The following SNX29 variants were observed in gnomAD, a reference collection of about 807,000 sequenced individuals.
SNX29 encodes sorting nexin-29.
SNX29 carries 78 observed loss-of-function variants against 102.1 expected under a neutral mutation model. That is an observed-to-expected ratio of 0.76 (90% confidence interval 0.64 to 0.92). The LOEUF (loss-of-function observed/expected upper bound fraction) is 0.92, where lower values mean the gene tolerates loss of function less well. SNX29 is among the 40% of genes least tolerant of loss of function. The pLI is 0.00. For synonymous variants in SNX29, 580 were observed against 414.5 expected (o/e 1.40, Z -4.85); for missense variants, 1,280 against 1,061.7 (o/e 1.21, Z -2.86).
intron 1 of SNX29, among the ~76,000 whole-genome samples, chr16:11,992,498 G>GCAAC (rs2055893543): frequency 6.6e-6 from 1 of 151,786 alleles, no homozygotes; most frequent in Non-Finnish European, 1.5e-5. Flanking sequence ...CCAGCCCCTG[G>GCAAC]CAACCACCTG....
chr16:12,281,201 A>T (rs1464075907), intron 15 of SNX29, among the ~76,000 whole-genome samples: 1 of 152,204 alleles, frequency 6.6e-6, no homozygotes, highest in African/African-American at 2.4e-5. Flanking sequence ...AGTGTATGCC[A>T]TTGTGCCCAG....
intron 15 of SNX29, among the ~76,000 whole-genome samples, chr16:12,302,102 G>C (rs988295708): frequency 1.2e-4 from 19 of 152,320 alleles, no homozygotes; most frequent in African/African-American, 4.3e-4. Context: ...ATGTGTGTGT[G>C]ACCCAGTGAT....
chr16:12,179,126 A>C (rs2076325805), intron 13 of SNX29, among the ~76,000 whole-genome samples: 1 of 152,196 alleles, frequency 6.6e-6, no homozygotes, highest in Non-Finnish European at 1.5e-5. Flanking sequence ...TCCTATGTGT[A>C]GATATCTATA....
At chr16:12,301,822 GA>G (rs1291627836) in intron 15 of SNX29, among the ~76,000 whole-genome samples, 7 of 152,192 alleles carry the variant, frequency 4.6e-5, no homozygotes, top group African/African-American at 9.7e-5. Context: ...TATGGACAGA[GA>G]AAGAAAGATT....
At chr16:12,455,642 A>G (rs1464698192) in intron 18 of SNX29, among the ~76,000 whole-genome samples, 1 of 152,186 alleles carries the variant, frequency 6.6e-6, no homozygotes, top group Non-Finnish European at 1.5e-5. Flanking sequence ...AACTTCATCC[A>G]GTAGGCTTTG....
At position 12,572,555 on chromosome 16, in the gene SNX29, C is replaced by T. The variant is rs975038087; in HGVS notation, c.*3926C>T. On this transcript the variant is annotated 3_prime_UTR_variant, in exon 21 of 21. Coordinates refer to ENST00000566228, the MANE Select transcript of SNX29 (RefSeq NM_032167.5). Reference sequence around the variant, plus strand: ...CAGGGGGCTGCGACACCATCTGGCTCCTCACAGGGAGGTCCAGCCATGTTC... The same window carrying T: ...CAGGGGGCTGCGACACCATCTGGCTTCTCACAGGGAGGTCCAGCCATGTTC... 7 of 1,063,782 alleles carry T rather than the reference C, an allele frequency of 6.6e-6. No individual in the cohort carries two copies. Among genetic ancestry groups the T allele is most frequent in the Non-Finnish European group, 8.0e-6 (7 of 878,278 alleles). 65.9% of individuals were successfully genotyped at this position (1,063,782 alleles called of 1,614,324 possible).
intron 18 of SNX29, among the ~76,000 whole-genome samples, chr16:12,439,581 C>G (rs887866264): frequency 1.3e-5 from 2 of 152,306 alleles, no homozygotes; most frequent in Admixed American, 1.3e-4. Context: ...AGCATCAGAT[C>G]TCGTGAGACT....
At chr16:12,102,364 C>G (rs757730875) in intron 11 of SNX29, among the ~76,000 whole-genome samples, 22 of 152,216 alleles carry the variant, frequency 1.4e-4, no homozygotes, top group Non-Finnish European at 2.8e-4. Context: ...AATGGTTGAA[C>G]TAATTTACAC....
intron 20 of SNX29, among the ~76,000 whole-genome samples, chr16:12,528,792 G>C (rs150204643): frequency 1.3e-5 from 2 of 152,342 alleles, no homozygotes; most frequent in South Asian, 4.1e-4. Flanking sequence ...TTTGCACACT[G>C]TGCCACTGTG....
chr16:12,300,328 A>C (rs2080127638), intron 15 of SNX29, among the ~76,000 whole-genome samples: 1 of 152,166 alleles, frequency 6.6e-6, no homozygotes, highest in Admixed American at 6.5e-5. Context: ...AGAGTTGATC[A>C]CATTTTCCTT....
At chr16:12,177,453 C>G (rs1420423258) in intron 13 of SNX29, among the ~76,000 whole-genome samples, 3 of 152,190 alleles carry the variant, frequency 2.0e-5, no homozygotes, top group Admixed American at 6.5e-5. Context: ...CCTCATGACC[C>G]TCCTGTGGTC....
chr16:12,262,930 A>G (rs2078821694), intron 14 of SNX29, among the ~76,000 whole-genome samples: 2 of 152,292 alleles, frequency 1.3e-5, no homozygotes, highest in South Asian at 4.2e-4. Context: ...CTTGGCAACT[A>G]TGAAACTACC....
intron 19 of SNX29, among the ~76,000 whole-genome samples, chr16:12,479,558 G>C (rs899190388): frequency 3.3e-5 from 5 of 152,202 alleles, no homozygotes; most frequent in Non-Finnish European, 4.4e-5. Flanking sequence ...AAGTAGAGCT[G>C]AACCACTACA....
intron 15 of SNX29, among the ~76,000 whole-genome samples, chr16:12,319,240 G>A (rs1322563853): frequency 6.6e-6 from 1 of 152,178 alleles, no homozygotes; most frequent in Non-Finnish European, 1.5e-5. Context: ...GCCTGTGTTA[G>A]TGAGAACTGG....
chr16:12,168,276 G>T (rs2076063224), intron 13 of SNX29, among the ~76,000 whole-genome samples: 1 of 152,174 alleles, frequency 6.6e-6, no homozygotes, highest in Non-Finnish European at 1.5e-5. Flanking sequence ...GAGGGTGGAG[G>T]GAGGAGCCTT....
intron 11 of SNX29, among the ~76,000 whole-genome samples, chr16:12,106,823 CT>C (rs374613785): frequency 0.016 from 2,390 of 145,212 alleles, 71 homozygotes; most frequent in African/African-American, 0.057. Flanking sequence ...GTAGTGCTTC[CT>C]TTTTTTTTTG....
At chr16:12,343,711 A>AGGGCAG (rs141948500) in intron 15 of SNX29, among the ~76,000 whole-genome samples, 72 of 151,406 alleles carry the variant, frequency 4.8e-4, no homozygotes, top group African/African-American at 1.2e-3. Flanking sequence ...GAGCTCTGTG[A>AGGGCAG]GGGCAGGGGC....
intron 15 of SNX29, among the ~76,000 whole-genome samples, chr16:12,346,388 C>T (rs2081806394): frequency 1.3e-5 from 2 of 152,124 alleles, no homozygotes; most frequent in Non-Finnish European, 2.9e-5. Context: ...TTATTTAAAC[C>T]TCACAAAAGC....
intron 13 of SNX29, among the ~76,000 whole-genome samples, chr16:12,178,378 T>C (rs540922998): frequency 6.6e-6 from 1 of 152,262 alleles, no homozygotes; most frequent in Admixed American, 6.5e-5. Context: ...TAAGTCATGC[T>C]CATTGGAGTG....
Sources: allele counts gnomAD v4.1 joint callset (sites outside exome capture counted in the v4.1 genomes callset), GRCh38; gene constraint gnomAD v4.1.1; transcripts MANE v1.5; gene names NCBI Gene and HGNC (gene_info 2026-07-23, HGNC 2026-07-21).